WDR72: variants seen among roughly 807,000 people sequenced by gnomAD.
WDR72 encodes WD repeat-containing protein 72.
Under a neutral mutation model 124.2 loss-of-function variants are expected in WDR72, and 120 were observed. That is an observed-to-expected ratio of 0.97 (90% CI 0.83 to 1.12). The LOEUF (loss-of-function observed/expected upper bound fraction) is 1.12, where lower values mean the gene tolerates loss of function less well. WDR72 is among the 50% of genes most tolerant of loss of function. The probability of loss-of-function intolerance (pLI) is 0.00; values close to 1 mark genes in which losing one functional copy is unlikely to be tolerated. For missense variants in WDR72, 1,387 were observed against 1,278.8 expected (o/e 1.08, Z -1.29); for synonymous variants, 452 against 441.7 (o/e 1.02, Z -0.29).
intron 13 of WDR72, among the ~76,000 whole-genome samples, chr15:53,666,096 T>C (rs1201644287): frequency 2.6e-5 from 4 of 152,186 alleles, no homozygotes; most frequent in Non-Finnish European, 5.9e-5. Context: ...TATGGAATAT[T>C]TTAGTGCTGT....
intron 1 of WDR72, among the ~76,000 whole-genome samples, chr15:53,747,258 A>C (rs191082797): frequency 6.6e-6 from 1 of 152,316 alleles, no homozygotes; most frequent in African/African-American, 2.4e-5. Flanking sequence ...AAGGTAAAAA[A>C]ATAAATTTTA....
chr15:53,574,509 G>C (rs1043636802), intron 18 of WDR72, among the ~76,000 whole-genome samples: 1 of 152,120 alleles, frequency 6.6e-6, no homozygotes, highest in Non-Finnish European at 1.5e-5. Flanking sequence ...ATGATAAAAT[G>C]TGGAGAAATA....
At chr15:53,555,391 G>C (rs923611716) in intron 18 of WDR72, among the ~76,000 whole-genome samples, 17 of 151,828 alleles carry the variant, frequency 1.1e-4, no homozygotes, top group African/African-American at 4.1e-4. Context: ...AAAGAAGAAA[G>C]AAATAGATCT....
intron 14 of WDR72, among the ~76,000 whole-genome samples, chr15:53,623,905 G>A (rs1433459871): frequency 3.3e-5 from 5 of 152,150 alleles, no homozygotes; most frequent in Non-Finnish European, 7.3e-5. Flanking sequence ...GTAACTCATT[G>A]TCGTTTAGAG....
Position 53,513,991 on chromosome 15 carries a change from C to G in WDR72, c.*3708G>C, listed in dbSNP as rs1891309087. The G allele has an allele frequency of 6.6e-6, 1 of 152,164 alleles. No individual in the cohort carries two copies. The highest frequency in any genetic ancestry group is 2.4e-5 in the African/African-American group (1 of 41,420). 9.4% of individuals were successfully genotyped at this position (152,164 alleles called of 1,614,324 possible). A position where few individuals can be genotyped will look rare whatever the true frequency, so the allele number is the denominator to read the frequency against. On this transcript the variant is annotated 3_prime_UTR_variant, in exon 20 of 20. Coordinates refer to ENST00000360509, the MANE Select transcript of WDR72 (RefSeq NM_182758.4). ...TAATTTCCAGTTTACCTTCTCCTAC[C>G]TGCCATCTGTAGGCTCCTTCTTGAG...
chr15:53,728,428 T>A (rs1398527087), intron 2 of WDR72, among the ~76,000 whole-genome samples: 1 of 152,168 alleles, frequency 6.6e-6, no homozygotes, highest in East Asian at 1.9e-4. Context: ...ACATCTACCG[T>A]ATTCCAGACA....
chr15:53,738,607 T>C (rs1309651557), intron 1 of WDR72, among the ~76,000 whole-genome samples: 1 of 152,188 alleles, frequency 6.6e-6, no homozygotes, highest in Non-Finnish European at 1.5e-5. Flanking sequence ...TGTTTGTTTG[T>C]TTGTTTGAGA....
intron 18 of WDR72, among the ~76,000 whole-genome samples, chr15:53,524,577 GT>G (rs751014537): frequency 2.6e-5 from 4 of 152,064 alleles, no homozygotes; most frequent in Non-Finnish European, 4.4e-5. Context: ...TAGCACTGAT[GT>G]TTGTAACCTG....
At chr15:53,570,500 A>C (rs1332049382) in intron 18 of WDR72, among the ~76,000 whole-genome samples, 2 of 152,026 alleles carry the variant, frequency 1.3e-5, no homozygotes, top group Non-Finnish European at 2.9e-5. Flanking sequence ...CAACATTACT[A>C]ACCATCAGAG....
At chr15:53,605,507 G>A (rs1247305346) in intron 17 of WDR72, among the ~76,000 whole-genome samples, 1 of 152,198 alleles carries the variant, frequency 6.6e-6, no homozygotes, top group Non-Finnish European at 1.5e-5. Context: ...TTTTAAAAAA[G>A]TAAAATCAAG....
At chr15:53,591,685 A>AACACACACACACACACAC (rs67873847) in intron 18 of WDR72, among the ~76,000 whole-genome samples, 4 of 148,930 alleles carry the variant, frequency 2.7e-5, no homozygotes, top group Non-Finnish European at 6.0e-5. Context: ...CAACACACAC[A>AACACACACACACACACAC]ACACACACAC....
chr15:53,661,121 G>C (rs2015594937), intron 14 of WDR72, among the ~76,000 whole-genome samples: 1 of 152,154 alleles, frequency 6.6e-6, no homozygotes, highest in Non-Finnish European at 1.5e-5. Flanking sequence ...GCAGAGTTGA[G>C]TACCCATAGC....
intron 18 of WDR72, among the ~76,000 whole-genome samples, chr15:53,586,255 T>A (rs748303404): frequency 6.6e-6 from 1 of 152,054 alleles, no homozygotes; most frequent in Non-Finnish European, 1.5e-5. Context: ...ATATACCTCA[T>A]GTATGTGAAA....
At chr15:53,554,648 A>G (rs893532030) in intron 18 of WDR72, among the ~76,000 whole-genome samples, 5 of 152,140 alleles carry the variant, frequency 3.3e-5, no homozygotes, top group African/African-American at 1.2e-4. Context: ...AATTAGTAAC[A>G]TGGAATACTA....
At chr15:53,604,820 G>T (rs916718701) in intron 17 of WDR72, among the ~76,000 whole-genome samples, 1 of 151,734 alleles carries the variant, frequency 6.6e-6, no homozygotes, top group African/African-American at 2.4e-5. Flanking sequence ...AAAAATTATA[G>T]ATTAGAAAAT....
intron 13 of WDR72, chr15:53,684,100 G>A (rs540683885): frequency 2.6e-4 from 39 of 152,096 alleles, no homozygotes; most frequent in African/African-American, 9.2e-4. Context: ...CTTTGTATAC[G>A]TTAATATATA....
At chr15:53,749,006 G>A (rs570407355) in intron 1 of WDR72, among the ~76,000 whole-genome samples, 1 of 152,296 alleles carries the variant, frequency 6.6e-6, no homozygotes, top group East Asian at 1.9e-4. Flanking sequence ...TGTCTAAGGA[G>A]ACAGGCCTGC....
chr15:53,602,234 G>T (rs1299628548), intron 17 of WDR72, among the ~76,000 whole-genome samples: 1 of 152,036 alleles, frequency 6.6e-6, no homozygotes, highest in Non-Finnish European at 1.5e-5. Context: ...ACTCCTGAAT[G>T]ACTTTTGGGT....
At position 53,529,170 on chromosome 15, in the gene WDR72, T is replaced by A. The variant is rs1468904247; in HGVS notation, c.3149-5848A>T. On this transcript the variant is annotated intron_variant, in intron 18 of 19. Transcript: ENST00000360509. Reference sequence around the variant, plus strand: ...CATATATATATATATATATATTTTTTTTTTTTTTTTTAAAAGAATATAAAA... The same window carrying A: ...CATATATATATATATATATATTTTTATTTTTTTTTTTAAAAGAATATAAAA... Among the ~76,000 whole-genome samples, 260 of 116,216 alleles carry A rather than the reference T, an allele frequency of 2.2e-3. 3 individuals are homozygous for A. The highest frequency in any genetic ancestry group is 8.8e-3 in the South Asian group (32 of 3,638). 76.2% of individuals were successfully genotyped at this position (116,216 alleles called of 152,430 possible).
Sources: allele counts gnomAD v4.1 joint callset (sites outside exome capture counted in the v4.1 genomes callset), GRCh38; gene constraint gnomAD v4.1.1; transcripts MANE v1.5; gene names NCBI Gene and HGNC (gene_info 2026-07-23, HGNC 2026-07-21).